ARHGEF4: variants seen among roughly 807,000 people sequenced by gnomAD.
ARHGEF4 encodes the protein APC-stimulated guanine nucleotide exchange factor 1.
Under a neutral mutation model 162.0 loss-of-function variants are expected in ARHGEF4, and 119 were observed. The observed-to-expected ratio is 0.73, with a 90% CI of 0.63 to 0.86. The LOEUF (loss-of-function observed/expected upper bound fraction) is 0.86, where lower values mean the gene tolerates loss of function less well. Ranked by LOEUF, ARHGEF4 falls within the 40% of genes least tolerant of loss-of-function variation. ARHGEF4 has a pLI of 0.00. For synonymous variants in ARHGEF4, 1,014 were observed against 979.9 expected, an observed-to-expected ratio of 1.03 and a Z score of -0.65; for missense variants, 2,488 against 2,456.0, an observed-to-expected ratio of 1.01 and a Z score of -0.28.
At chr2:130,903,448 T>C (rs1680629307) in intron 1 of ARHGEF4, among the ~76,000 whole-genome samples, 1 of 152,042 alleles carries the variant, frequency 6.6e-6, no homozygotes, top group Non-Finnish European at 1.5e-5. Context: ...TTAGTAGAGA[T>C]GGGGTTTCAC....
chr2:130,982,818 GAACT>G (rs1193936836), intron 4 of ARHGEF4, among the ~76,000 whole-genome samples: 38 of 152,004 alleles, frequency 2.5e-4, no homozygotes, highest in Admixed American at 2.0e-3. Context: ...GGTGTAATTT[GAACT>G]AACTTTTAGA....
intron 2 of ARHGEF4, among the ~76,000 whole-genome samples, chr2:130,921,671 A>C (rs1681880905): frequency 6.6e-6 from 1 of 151,958 alleles, no homozygotes. Flanking sequence ...CATTTTCCTG[A>C]TGTCTGAAGA....
At chr2:131,041,623 C>A in intron 9 of ARHGEF4, 161 bp downstream of exon 9, 1 of 1,091,598 alleles carries the variant, frequency 9.2e-7, no homozygotes, top group Non-Finnish European at 1.3e-6. Flanking sequence ...GAAGAGGATG[C>A]CAACAGGATA....
chr2:130,876,466 A>G (rs1321717194), intron 1 of ARHGEF4, among the ~76,000 whole-genome samples: 1 of 152,060 alleles, frequency 6.6e-6, no homozygotes, highest in African/African-American at 2.4e-5. Flanking sequence ...ATCTCGGCTC[A>G]CTGCAAGCTC....
intron 3 of ARHGEF4, among the ~76,000 whole-genome samples, chr2:130,933,680 T>C (rs918877502): frequency 6.6e-6 from 1 of 152,228 alleles, no homozygotes; most frequent in Non-Finnish European, 1.5e-5. Context: ...TTTGTTCTTT[T>C]TGATGACATC....
intron 4 of ARHGEF4, among the ~76,000 whole-genome samples, chr2:131,023,073 T>TA (rs1558864591): frequency 6.7e-5 from 7 of 104,396 alleles, no homozygotes; most frequent in South Asian, 3.3e-4. Context: ...AAACCCTGTC[T>TA]CAAAAAAAAA....
rs149689696 is a variant in ARHGEF4, at chr2:130,963,000, A to G, written c.3985+16365A>G. Among the ~76,000 whole-genome samples, 340 of 152,286 alleles carry G rather than the reference A, an allele frequency of 2.2e-3. 2 individuals are homozygous for G. The highest frequency in any genetic ancestry group is 7.7e-3 in the African/African-American group (321 of 41,566). On this transcript the variant is annotated intron_variant, in intron 4 of 13. Transcript: ENST00000409359. ...TCTGGGTGGACTCTAAGAACCTAGAAGAACCTGTGTGTGTCTGGGAGGGGC... is the reference window on the plus strand; with the variant it reads ...TCTGGGTGGACTCTAAGAACCTAGAGGAACCTGTGTGTGTCTGGGAGGGGC...
At chr2:130,873,482 G>A (rs1033349267) in intron 1 of ARHGEF4, among the ~76,000 whole-genome samples, 4 of 149,720 alleles carry the variant, frequency 2.7e-5, no homozygotes, top group South Asian at 2.1e-4. Flanking sequence ...CTAGCTACTC[G>A]GGAGGCTGAG....
chr2:130,885,982 T>C (rs193170000), intron 1 of ARHGEF4, among the ~76,000 whole-genome samples: 2 of 152,206 alleles, frequency 1.3e-5, no homozygotes, highest in East Asian at 3.9e-4. Flanking sequence ...CAAGAGACTG[T>C]TCACACCCAG....
chr2:131,041,021 A>T (rs1425321261), intron 8 of ARHGEF4, among the ~76,000 whole-genome samples: 1 of 152,132 alleles, frequency 6.6e-6, no homozygotes, highest in Non-Finnish European at 1.5e-5. Context: ...CAGCCGGGAC[A>T]CCTGCTCATA....
chr2:131,011,861 G>A (rs1186253945), intron 4 of ARHGEF4: 31 of 708,208 alleles, frequency 4.4e-5, no homozygotes, highest in East Asian at 3.8e-4. Flanking sequence ...GTGTCACTCC[G>A]TGAAGTGTGG....
chr2:130,953,309 G>A (rs1684068543), intron 4 of ARHGEF4, among the ~76,000 whole-genome samples: 1 of 152,148 alleles, frequency 6.6e-6, no homozygotes, highest in Non-Finnish European at 1.5e-5. Context: ...AATGGGGAAA[G>A]GATTCCCTAT....
At chr2:130,935,439 G>C (rs1324113369) in intron 3 of ARHGEF4, among the ~76,000 whole-genome samples, 1 of 151,986 alleles carries the variant, frequency 6.6e-6, no homozygotes, top group Non-Finnish European at 1.5e-5. Flanking sequence ...TCTTTTTCTT[G>C]TTAAATTAGA....
At chr2:130,944,157 T>C (rs544385297) in intron 3 of ARHGEF4, among the ~76,000 whole-genome samples, 1 of 152,358 alleles carries the variant, frequency 6.6e-6, no homozygotes, top group African/African-American at 2.4e-5. Flanking sequence ...CAAATGAATG[T>C]TCCCCTCTGT....
chr2:130,930,915 G>T, intron 2 of ARHGEF4, 37 bp from the exon 3 acceptor site: 1 of 1,564,484 alleles, frequency 6.4e-7, no homozygotes, highest in South Asian at 1.2e-5. Flanking sequence ...TATGTCCTTT[G>T]ACCTCTGACC....
chr2:130,991,523 G>T (rs542241650), intron 4 of ARHGEF4, among the ~76,000 whole-genome samples: 3 of 152,144 alleles, frequency 2.0e-5, no homozygotes, highest in African/African-American at 4.8e-5. Flanking sequence ...TGGGCTTGGC[G>T]GGCCCGGCAC....
intron 1 of ARHGEF4, among the ~76,000 whole-genome samples, chr2:130,898,858 G>A (rs1680317544): frequency 6.6e-6 from 1 of 152,148 alleles, no homozygotes; most frequent in Non-Finnish European, 1.5e-5. Flanking sequence ...GTCTCTGTGG[G>A]CAGCATTTGA....
chr2:131,023,072 CTCAAAAAA>C (rs1689239339), intron 4 of ARHGEF4, among the ~76,000 whole-genome samples: 2 of 5,604 alleles, frequency 3.6e-4, no homozygotes, highest in South Asian at 2.4e-3. Flanking sequence ...GAAACCCTGT[CTCAAAAAA>C]AAAAAAAAAA....
At chr2:131,035,338 G>C (rs1249209225) in intron 5 of ARHGEF4, 1 of 1,143,860 alleles carries the variant, frequency 8.7e-7, no homozygotes, top group Non-Finnish European at 1.1e-6. Context: ...CGCGGCCTCC[G>C]CACTGGTCGC....
Sources: gnomAD v4.1 joint callset for allele counts (sites outside exome capture counted in the v4.1 genomes callset) on GRCh38, gnomAD v4.1.1 for gene constraint, MANE v1.5 for transcripts, NCBI Gene and HGNC (gene_info 2026-07-23, HGNC 2026-07-21) for gene names.